Variants in L3MBTL3 observed in about 807,000 individuals in gnomAD.
The protein encoded by L3MBTL3 is lethal(3)malignant brain tumor-like protein 3.
In L3MBTL3, 27 loss-of-function variants were observed where a neutral mutation model predicts 102.3. That is an observed-to-expected ratio of 0.26 (90% CI 0.19 to 0.36). The LOEUF is 0.36. Ranked by LOEUF, L3MBTL3 falls within the 10% of genes least tolerant of loss-of-function variation. L3MBTL3 has a pLI of 1.00. For missense variants in L3MBTL3, 798 were observed against 955.3 expected, an observed-to-expected ratio of 0.84 and a Z score of 2.17; for synonymous variants, 340 against 320.9, an observed-to-expected ratio of 1.06 and a Z score of -0.64.
At chr6:130,091,137 A>AATTG (rs1169352797) in intron 16 of L3MBTL3, among the ~76,000 whole-genome samples, 1 of 152,102 alleles carries the variant, frequency 6.6e-6, no homozygotes, top group Non-Finnish European at 1.5e-5. Context: ...CATGTAATCA[A>AATTG]ATTGATCAGT....
At chr6:130,030,441 T>A (rs1779641237) in intron 2 of L3MBTL3, among the ~76,000 whole-genome samples, 1 of 151,686 alleles carries the variant, frequency 6.6e-6, no homozygotes, top group Non-Finnish European at 1.5e-5. Flanking sequence ...GGTGGGCAGA[T>A]CATGAGGTCA....
intron 10 of L3MBTL3, among the ~76,000 whole-genome samples, chr6:130,061,942 G>T (rs1781924612): frequency 6.6e-6 from 1 of 152,164 alleles, no homozygotes; most frequent in Middle Eastern, 3.2e-3. Flanking sequence ...TGCTGTGGTT[G>T]TTCTCAAGGA....
chr6:130,034,902 G>C (rs959380363), intron 2 of L3MBTL3, among the ~76,000 whole-genome samples: 1 of 152,228 alleles, frequency 6.6e-6, no homozygotes, highest in African/African-American at 2.4e-5. Flanking sequence ...ATGCATACCT[G>C]AGTTGTGGAG....
At chr6:130,100,018 T>C (rs189167781) in intron 18 of L3MBTL3, among the ~76,000 whole-genome samples, 2 of 152,284 alleles carry the variant, frequency 1.3e-5, no homozygotes, top group East Asian at 3.9e-4. Context: ...AATTCTTCAA[T>C]GTGCAAGGGT....
At chr6:130,104,670 T>C (rs1172200107) in intron 19 of L3MBTL3, 95 bp downstream of exon 19, 1 of 923,600 alleles carries the variant, frequency 1.1e-6, no homozygotes, top group Non-Finnish European at 1.5e-6. Flanking sequence ...AGCAATGTTT[T>C]CTTGGAGATT....
At chr6:130,053,892 ATGACATAGAGTC>A (rs1473464297) in intron 7 of L3MBTL3, among the ~76,000 whole-genome samples, 1 of 152,224 alleles carries the variant, frequency 6.6e-6, no homozygotes, top group Non-Finnish European at 1.5e-5. Flanking sequence ...AGACAAATAG[ATGACATAGAGTC>A]TCTCCTGGCA....
intron 2 of L3MBTL3, among the ~76,000 whole-genome samples, chr6:130,038,132 C>CTG (rs1487823186): frequency 6.6e-6 from 1 of 151,922 alleles, no homozygotes; most frequent in African/African-American, 2.4e-5. Context: ...TTGAATATTC[C>CTG]TGTGTGTGTA....
intron 22 of L3MBTL3, among the ~76,000 whole-genome samples, chr6:130,135,424 T>C (rs1787544380): frequency 6.6e-6 from 1 of 152,180 alleles, no homozygotes. Flanking sequence ...TGGTCTGTCT[T>C]GGAAAATGTC....
intron 10 of L3MBTL3, among the ~76,000 whole-genome samples, chr6:130,064,975 C>T (rs1782153154): frequency 6.6e-6 from 1 of 152,036 alleles, no homozygotes; most frequent in Admixed American, 6.6e-5. Flanking sequence ...AGAGAAGCAG[C>T]CTTCTTTGCA....
intron 2 of L3MBTL3, among the ~76,000 whole-genome samples, chr6:130,023,393 G>T (rs1321077940): frequency 6.6e-6 from 1 of 152,144 alleles, no homozygotes; most frequent in African/African-American, 2.4e-5. Flanking sequence ...GCTATAGGAA[G>T]GTCCTGCAGA....
chr6:130,054,333 T>G (rs935166787), intron 7 of L3MBTL3, among the ~76,000 whole-genome samples: 16 of 152,198 alleles, frequency 1.1e-4, no homozygotes, highest in African/African-American at 3.6e-4. Context: ...CATTGTATTC[T>G]GAGTGTCAGG....
intron 18 of L3MBTL3, among the ~76,000 whole-genome samples, chr6:130,097,204 CT>C (rs1204021088): frequency 2.6e-5 from 4 of 152,174 alleles, no homozygotes; most frequent in Non-Finnish European, 5.9e-5. Context: ...CATTAGTAGA[CT>C]TGTGGAGGAG....
At chr6:130,064,821 T>C (rs1379538094) in intron 10 of L3MBTL3, among the ~76,000 whole-genome samples, 1 of 152,094 alleles carries the variant, frequency 6.6e-6, no homozygotes, top group African/African-American at 2.4e-5. Context: ...GAGCCTGAGA[T>C]AGAGACTATG....
intron 2 of L3MBTL3, among the ~76,000 whole-genome samples, chr6:130,041,871 CA>C (rs1780439944): frequency 6.6e-6 from 1 of 152,084 alleles, no homozygotes; most frequent in African/African-American, 2.4e-5. Context: ...ATTTAGACAC[CA>C]CAGTCTGAAG....
At chr6:130,023,208 A>G (rs1456649593) in intron 2 of L3MBTL3, among the ~76,000 whole-genome samples, 2 of 152,140 alleles carry the variant, frequency 1.3e-5, no homozygotes, top group Non-Finnish European at 2.9e-5. Flanking sequence ...AGAACTAACA[A>G]CCTTCATTGG....
chr6:130,056,917 A>G (rs982633770), intron 8 of L3MBTL3, among the ~76,000 whole-genome samples: 2 of 152,228 alleles, frequency 1.3e-5, no homozygotes, highest in African/African-American at 4.8e-5. Flanking sequence ...CAAAATATAT[A>G]AAACTAATAT....
At chr6:130,121,718 TG>T (rs1174213281) in intron 20 of L3MBTL3, among the ~76,000 whole-genome samples, 1 of 150,734 alleles carries the variant, frequency 6.6e-6, no homozygotes, top group Non-Finnish European at 1.5e-5. Context: ...TATCACAAAA[TG>T]AAAAAAAAAA....
chr6:130,067,697 G>A (rs1236725909), intron 11 of L3MBTL3, among the ~76,000 whole-genome samples: 1 of 152,130 alleles, frequency 6.6e-6, no homozygotes, highest in African/African-American at 2.4e-5. Context: ...GTTTTTTCAT[G>A]CTGCTTTCTG....
Position 130,051,318 on chromosome 6 carries a change from G to A in L3MBTL3, c.359G>A (p.Cys120Tyr), listed in dbSNP as rs566848745. ...DPVKVEGLQF[C>Y]ENCCQYGNVD... ...GTGAAAGTAGAAGGGCTTCAGTTCT[G>A]TGAGAACTGTTGTCAGTATGGCAAC... The change falls in exon 6 of 23, where the codon TGT (cysteine) becomes TAT (tyrosine). Residue 120 changes from cysteine (C) to tyrosine (Y), a missense_variant. Around this residue, in one of 4 missense-constraint regions of L3MBTL3, gnomAD observed 434 missense variants for 506.6 expected, o/e 0.86. Transcript: ENST00000361794. The A allele has an allele frequency of 6.2e-7, 1 of 1,612,556 alleles. No individual in the cohort carries two copies. Among genetic ancestry groups the A allele is most frequent in the Admixed American group, 1.7e-5 (1 of 60,032 alleles).
Sources: allele counts gnomAD v4.1 joint callset (sites outside exome capture counted in the v4.1 genomes callset), GRCh38; gene constraint gnomAD v4.1.1; regional missense constraint gnomAD v4.1.1; transcripts MANE v1.5; gene names NCBI Gene and HGNC (gene_info 2026-07-23, HGNC 2026-07-21).